The following MARCHF1 variants were observed in gnomAD, a reference collection of about 807,000 sequenced individuals.
MARCHF1 encodes the protein membrane associated ring-CH-type finger 1.
MARCHF1 carries 40 observed loss-of-function variants against 54.2 expected under a neutral mutation model. The observed-to-expected ratio is 0.74, with a 90% CI of 0.57 to 0.96. The LOEUF (loss-of-function observed/expected upper bound fraction) is 0.96, where lower values mean the gene tolerates loss of function less well. Ranked by LOEUF, MARCHF1 falls within the 40% of genes least tolerant of loss-of-function variation. MARCHF1 has a pLI of 0.00. For missense variants in MARCHF1, 586 were observed against 656.5 expected (o/e 0.89, Z 1.17); for synonymous variants, 236 against 236.3 (o/e 1.00, Z 0.01).
chr4:163,845,684 A>G (rs1478521031), intron 4 of MARCHF1, among the ~76,000 whole-genome samples: 1 of 152,188 alleles, frequency 6.6e-6, no homozygotes, highest in Non-Finnish European at 1.5e-5. Flanking sequence ...GCACACAGAC[A>G]TGACACATTT....
At chr4:164,305,198 C>T (rs9790385) in intron 1 of MARCHF1, among the ~76,000 whole-genome samples, 3 of 151,998 alleles carry the variant, frequency 2.0e-5, no homozygotes, top group Non-Finnish European at 2.9e-5. Flanking sequence ...CCCTATAATG[C>T]ATTGCATCCT....
intron 2 of MARCHF1, among the ~76,000 whole-genome samples, chr4:164,006,386 G>A (rs1753288468): frequency 6.6e-6 from 1 of 151,928 alleles, no homozygotes; most frequent in Non-Finnish European, 1.5e-5. Flanking sequence ...ATACCAGTAA[G>A]CTTGAAGACT....
At chr4:164,186,309 A>G (rs1220050814) in intron 1 of MARCHF1, among the ~76,000 whole-genome samples, 1 of 152,200 alleles carries the variant, frequency 6.6e-6, no homozygotes, top group Non-Finnish European at 1.5e-5. Context: ...GTGTCAACTA[A>G]TCATTACTTT....
At chr4:164,222,306 A>G (rs916222255) in intron 1 of MARCHF1, among the ~76,000 whole-genome samples, 1 of 147,606 alleles carries the variant, frequency 6.8e-6, no homozygotes, top group African/African-American at 2.5e-5. Context: ...GTTCATTTTG[A>G]TTGTTTCTTA....
chr4:164,026,415 C>A lies in MARCHF1; in HGVS notation c.-247-37706G>T, dbSNP rs75792470. ...TCAGGTAAACTTGCTTCCTGGGATGCAAGACTTGTTCAGCAAATACAAATA... is the reference window on the plus strand; with the variant it reads ...TCAGGTAAACTTGCTTCCTGGGATGAAAGACTTGTTCAGCAAATACAAATA... On this transcript the variant is annotated intron_variant, in intron 2 of 9. Coordinates refer to ENST00000514618, the MANE Select transcript of MARCHF1 (RefSeq NM_001394959.1). Among the ~76,000 whole-genome samples, 1,492 of 152,226 alleles carry A rather than the reference C, an allele frequency of 9.8e-3. 18 individuals carry two copies. Among genetic ancestry groups the A allele is most frequent in the African/African-American group, 0.033 (1,370 of 41,544 alleles).
At chr4:163,610,131 G>T (rs1022933225) in intron 7 of MARCHF1, among the ~76,000 whole-genome samples, 3 of 151,906 alleles carry the variant, frequency 2.0e-5, no homozygotes, top group African/African-American at 7.2e-5. Flanking sequence ...GATCATCCCA[G>T]ATCTCAGCAA....
intron 1 of MARCHF1, among the ~76,000 whole-genome samples, chr4:164,248,556 C>T (rs1239324572): frequency 3.3e-5 from 5 of 152,026 alleles, no homozygotes; most frequent in African/African-American, 1.2e-4. Flanking sequence ...CAAGCAGCTT[C>T]TGAAACGCAA....
rs190519316 is a variant in MARCHF1 at position 164,090,494 on chromosome 4, C to T, written c.-248+21094G>A. ...ATCTATAAGACATTATAGTATATAT[C>T]CATAGAATTGGTGTTTGTAGATTTT... On this transcript the variant is annotated intron_variant, in intron 2 of 9. Coordinates refer to ENST00000514618, the MANE Select transcript of MARCHF1 (RefSeq NM_001394959.1). Among the ~76,000 whole-genome samples, 8 of 151,984 alleles carry T rather than the reference C, an allele frequency of 5.3e-5. No homozygotes were observed. In the East Asian group the frequency reaches 1.4e-3, roughly 26 times the overall value.
intron 2 of MARCHF1, among the ~76,000 whole-genome samples, chr4:164,062,363 T>C (rs1419486784): frequency 6.6e-6 from 1 of 152,054 alleles, no homozygotes; most frequent in South Asian, 2.1e-4. Context: ...TTCCTGTTAA[T>C]GTTCATATTT....
At chr4:164,294,693 G>C (rs1329580589) in intron 1 of MARCHF1, among the ~76,000 whole-genome samples, 1 of 151,812 alleles carries the variant, frequency 6.6e-6, no homozygotes, top group African/African-American at 2.4e-5. Flanking sequence ...AATGTTTATT[G>C]AACTTTTACT....
At chr4:163,782,669 C>CA (rs779917586) in intron 4 of MARCHF1, among the ~76,000 whole-genome samples, 82,019 of 108,252 alleles carry the variant, frequency 0.76, 31,754 homozygotes, top group Non-Finnish European at 0.88. Context: ...ACTCCATCTC[C>CA]AAAAAAAAAA....
At chr4:164,142,544 A>G (rs1232793891) in intron 1 of MARCHF1, among the ~76,000 whole-genome samples, 1 of 151,832 alleles carries the variant, frequency 6.6e-6, no homozygotes, top group African/African-American at 2.4e-5. Flanking sequence ...ACTGGGAGGC[A>G]CCCCCCAGCA....
intron 1 of MARCHF1, among the ~76,000 whole-genome samples, chr4:164,323,528 A>G (rs1040757567): frequency 4.1e-5 from 6 of 146,620 alleles, no homozygotes; most frequent in African/African-American, 1.2e-4. Flanking sequence ...ATTAATGAAT[A>G]TAAGTTCAAA....
At chr4:163,870,604 G>A (rs1403793005) in intron 3 of MARCHF1, among the ~76,000 whole-genome samples, 1 of 152,124 alleles carries the variant, frequency 6.6e-6, no homozygotes, top group Non-Finnish European at 1.5e-5. Flanking sequence ...GAAACTGTCA[G>A]TCTAGAGATG....
At chr4:163,843,941 C>T (rs982769603) in intron 4 of MARCHF1, among the ~76,000 whole-genome samples, 1 of 150,610 alleles carries the variant, frequency 6.6e-6, no homozygotes, top group Non-Finnish European at 1.5e-5. Flanking sequence ...AAGAATTGTT[C>T]GCTCATGCCC....
chr4:164,379,835 G>A (rs1222437854), intron 1 of MARCHF1, among the ~76,000 whole-genome samples: 4 of 151,934 alleles, frequency 2.6e-5, no homozygotes, highest in African/African-American at 7.3e-5. Flanking sequence ...AATTAGCCAG[G>A]CATGGTGCTA....
intron 3 of MARCHF1, among the ~76,000 whole-genome samples, chr4:163,968,762 T>C (rs1752492257): frequency 6.6e-6 from 1 of 152,064 alleles, no homozygotes; most frequent in Non-Finnish European, 1.5e-5. Flanking sequence ...TCACTCCTCT[T>C]CCATCTGCCC....
intron 4 of MARCHF1, among the ~76,000 whole-genome samples, chr4:163,751,133 T>TTATGTGTGTGTGTG (rs1746506415): frequency 1.4e-5 from 2 of 147,290 alleles, no homozygotes; most frequent in African/African-American, 5.1e-5. Context: ...TATTACCACT[T>TTATGTGTGTGTGTG]TGTGTGTGTG....
intron 5 of MARCHF1, among the ~76,000 whole-genome samples, chr4:163,684,274 G>T (rs1472844063): frequency 1.3e-5 from 2 of 152,084 alleles, no homozygotes; most frequent in African/African-American, 4.8e-5. Context: ...ATTGTATGTT[G>T]GTGTAGCAAG....
Sources: gnomAD v4.1 joint callset for allele counts (sites outside exome capture counted in the v4.1 genomes callset) on GRCh38, gnomAD v4.1.1 for gene constraint, MANE v1.5 for transcripts, NCBI Gene and HGNC (gene_info 2026-07-23, HGNC 2026-07-21) for gene names.